The following LNX1 variants were observed in gnomAD, a reference collection of about 807,000 sequenced individuals.
LNX1 encodes E3 ubiquitin-protein ligase LNX.
Under a neutral mutation model 68.4 loss-of-function variants are expected in LNX1, and 54 were observed. The ratio of observed to expected loss-of-function variants is 0.79; its 90% CI spans 0.63 to 0.99. LNX1 has a LOEUF of 0.99. Among genes scored for constraint, LNX1 ranks in the 50% least tolerant of loss-of-function variants. LNX1 has a pLI of 0.00. For missense variants in LNX1, 906 were observed against 926.4 expected, an observed-to-expected ratio of 0.98 and a Z score of 0.29; for synonymous variants, 336 against 350.0, an observed-to-expected ratio of 0.96 and a Z score of 0.45.
chr4:53,599,868 G>A (rs1732916768), intron 2 of LNX1, among the ~76,000 whole-genome samples: 1 of 152,200 alleles, frequency 6.6e-6, no homozygotes, highest in Non-Finnish European at 1.5e-5. Flanking sequence ...GAAAGACTAT[G>A]TATATTTCAG....
chr4:53,588,746 C>T (rs80339093), intron 1 of LNX1, among the ~76,000 whole-genome samples: 376 of 152,194 alleles, frequency 2.5e-3, no homozygotes, highest in Non-Finnish European at 4.2e-3. Flanking sequence ...CTTAGGGCTC[C>T]GTAGGCAAGC....
chr4:53,484,182 C>A (rs1254918175), intron 6 of LNX1, among the ~76,000 whole-genome samples: 1 of 152,154 alleles, frequency 6.6e-6, no homozygotes, highest in Non-Finnish European at 1.5e-5. Flanking sequence ...GTTTACAAGC[C>A]ACCTAGGATA....
At chr4:53,571,194 A>G (rs933684684) in intron 2 of LNX1, among the ~76,000 whole-genome samples, 2 of 151,686 alleles carry the variant, frequency 1.3e-5, no homozygotes, top group Non-Finnish European at 1.5e-5. Context: ...TAATTTTTAT[A>G]TTTTTAGTAG....
At chr4:53,464,973 T>G (rs1722556875) in intron 9 of LNX1, among the ~76,000 whole-genome samples, 1 of 152,170 alleles carries the variant, frequency 6.6e-6, no homozygotes, top group African/African-American at 2.4e-5. Flanking sequence ...TGTAAGATGT[T>G]TGATGATAAC....
intron 1 of LNX1, chr4:53,575,911 G>A: frequency 6.4e-7 from 1 of 1,573,378 alleles, no homozygotes; most frequent in South Asian, 1.2e-5. Context: ...CTGCCGAGAG[G>A]CTGTGCAGTG....
chr4:53,561,381 C>A (rs1376735811), intron 2 of LNX1, among the ~76,000 whole-genome samples: 1 of 152,114 alleles, frequency 6.6e-6, no homozygotes, highest in Non-Finnish European at 1.5e-5. Context: ...GCATGCACCA[C>A]CACACCCAGC....
chr4:53,631,080 A>G (rs1016142315), intron 1 of LNX1, among the ~76,000 whole-genome samples: 3 of 152,166 alleles, frequency 2.0e-5, no homozygotes, highest in African/African-American at 4.8e-5. Flanking sequence ...CGCTGGGTCA[A>G]TATAGAGAAG....
intron 2 of LNX1, among the ~76,000 whole-genome samples, chr4:53,567,155 T>C (rs1310695274): frequency 7.0e-6 from 1 of 142,726 alleles, no homozygotes; most frequent in African/African-American, 2.6e-5. Context: ...CTAATAGACA[T>C]CTACAGAACT....
intron 2 of LNX1, among the ~76,000 whole-genome samples, chr4:53,603,273 A>G (rs1733093500): frequency 6.6e-6 from 1 of 152,174 alleles, no homozygotes; most frequent in Non-Finnish European, 1.5e-5. Flanking sequence ...TCATTTTCAT[A>G]TTCATGGTTC....
At chr4:53,554,533 G>A (rs1729753418) in intron 2 of LNX1, among the ~76,000 whole-genome samples, 1 of 152,186 alleles carries the variant, frequency 6.6e-6, no homozygotes, top group Admixed American at 6.5e-5. Flanking sequence ...ATCTCCCTTT[G>A]TGTTATGCCC....
At chr4:53,638,171 CA>C (rs1734551740) in intron 1 of LNX1, among the ~76,000 whole-genome samples, 1 of 152,142 alleles carries the variant, frequency 6.6e-6, no homozygotes, top group African/African-American at 2.4e-5. Flanking sequence ...AATATGTTTA[CA>C]TATATATAAC....
At chr4:53,483,676 G>C (rs769650888) in intron 6 of LNX1, among the ~76,000 whole-genome samples, 27 of 152,180 alleles carry the variant, frequency 1.8e-4, no homozygotes, top group Non-Finnish European at 3.2e-4. Context: ...AGAGGAGTAA[G>C]GTTTGGTGGT....
At chr4:53,636,657 CT>C (rs1734492157) in intron 1 of LNX1, among the ~76,000 whole-genome samples, 1 of 152,146 alleles carries the variant, frequency 6.6e-6, no homozygotes. Flanking sequence ...CATTTATTCA[CT>C]TACTTTGATA....
chr4:53,637,682 C>T (rs1297555755), intron 1 of LNX1, among the ~76,000 whole-genome samples: 2 of 152,078 alleles, frequency 1.3e-5, no homozygotes, highest in African/African-American at 4.8e-5. Context: ...AAACAGAATA[C>T]TGCCAATTAA....
chr4:53,622,568 G>T (rs1330467939), intron 1 of LNX1, among the ~76,000 whole-genome samples: 1 of 152,146 alleles, frequency 6.6e-6, no homozygotes, highest in Non-Finnish European at 1.5e-5. Flanking sequence ...AAATCTGGAT[G>T]CCAGGAAGGA....
At chr4:53,490,241 T>C (rs1724588691) in intron 6 of LNX1, among the ~76,000 whole-genome samples, 2 of 152,184 alleles carry the variant, frequency 1.3e-5, no homozygotes, top group African/African-American at 4.8e-5. Flanking sequence ...AGTCTGGAAT[T>C]GCCTATGGAA....
rs555928046 is a variant in LNX1, at chr4:53,540,307, C to T, written c.381-32080G>A. Reference sequence around the variant, plus strand: ...CTTAGGAGAGAGGATGGCTTGAGCCCGAGTGGTTGAGGCTGCAGTAAGTCA... The same window carrying T: ...CTTAGGAGAGAGGATGGCTTGAGCCTGAGTGGTTGAGGCTGCAGTAAGTCA... On this transcript the variant is annotated intron_variant, in intron 2 of 10. Coordinates refer to ENST00000263925, the MANE Select transcript of LNX1 (RefSeq NM_001126328.3). Among the ~76,000 whole-genome samples, 7 of 152,106 alleles carry T rather than the reference C, an allele frequency of 4.6e-5. No homozygotes were observed. The East Asian group carries it at 9.7e-4, about 21-fold the overall frequency.
At chr4:53,547,757 A>G (rs1240850001) in intron 2 of LNX1, among the ~76,000 whole-genome samples, 1 of 152,184 alleles carries the variant, frequency 6.6e-6, no homozygotes, top group East Asian at 1.9e-4. Flanking sequence ...ATTCCCAGAG[A>G]TGGCTTTACA....
chr4:53,573,478 G>A (rs1295122290), intron 2 of LNX1, 145 bp downstream of exon 2: 1 of 612,128 alleles, frequency 1.6e-6, no homozygotes, highest in African/African-American at 1.8e-5. Context: ...TCCTCACACT[G>A]AATCATGACC....
Sources: allele counts gnomAD v4.1 joint callset (sites outside exome capture counted in the v4.1 genomes callset), GRCh38; gene constraint gnomAD v4.1.1; transcripts MANE v1.5; gene names NCBI Gene and HGNC (gene_info 2026-07-23, HGNC 2026-07-21).